Variants in RPS6KA2 observed in about 807,000 individuals in gnomAD.
RPS6KA2 encodes ribosomal protein S6 kinase A2, also known as ribosomal protein S6 kinase alpha-2.
In RPS6KA2, 42 loss-of-function variants were observed where a neutral mutation model predicts 91.8. The ratio of observed to expected loss-of-function variants is 0.46; its 90% confidence interval spans 0.36 to 0.59. The LOEUF (loss-of-function observed/expected upper bound fraction) is 0.59, where lower values mean the gene tolerates loss of function less well. Ranked by LOEUF, RPS6KA2 falls within the 20% of genes least tolerant of loss-of-function variation. The probability of loss-of-function intolerance (pLI) is 0.00; values close to 1 mark genes in which losing one functional copy is unlikely to be tolerated. For synonymous variants in RPS6KA2, 414 were observed against 393.6 expected, an observed-to-expected ratio of 1.05 and a Z score of -0.61; for missense variants, 798 against 978.5, an observed-to-expected ratio of 0.82 and a Z score of 2.46.
chr6:166,861,537 G>C (rs1444947944), intron 1 of RPS6KA2, among the ~76,000 whole-genome samples: 1 of 152,184 alleles, frequency 6.6e-6, no homozygotes, highest in Non-Finnish European at 1.5e-5. Context: ...CACCAGCCCT[G>C]GGACGGGCAA....
Position 166,603,913 on chromosome 6 carries a change from C to T in RPS6KA2, c.99+23008G>A, listed in dbSNP as rs1405126529. 6.6e-6 allele frequency among the ~76,000 whole-genome samples: 1 copy of T among 152,188 alleles called. No individual in the cohort carries two copies. Among genetic ancestry groups the T allele is most frequent in the Non-Finnish European group, 1.5e-5 (1 of 68,034 alleles). Reference sequence around the variant, plus strand: ...AGGCAGAAACTGGATTGCCGCAAAGCTGACATGTTGGAAGGGGTGAGATGA... The same window carrying T: ...AGGCAGAAACTGGATTGCCGCAAAGTTGACATGTTGGAAGGGGTGAGATGA... On this transcript the variant is annotated intron_variant, in intron 1 of 20. Coordinates refer to ENST00000265678, the MANE Select transcript of RPS6KA2 (RefSeq NM_021135.6). The surrounding 1 kb of genome is among the most constrained non-coding windows in gnomAD (Gnocchi z 4.3).
At chr6:166,627,326 C>G (rs1194284410), upstream of RPS6KA2, 9 of 674,774 alleles carry the variant, frequency 1.3e-5, no homozygotes, top group Admixed American at 1.9e-4. Flanking sequence ...CCGCTCCGCG[C>G]CCCGGCACGC....
At chr6:166,789,425 C>T (rs1399076055) in intron 2 of RPS6KA2, among the ~76,000 whole-genome samples, 6 of 152,230 alleles carry the variant, frequency 3.9e-5, no homozygotes, top group Non-Finnish European at 4.4e-5. Flanking sequence ...CTGTAGGCTC[C>T]GCCTCTGGGG....
At chr6:166,578,108 A>G (rs992048080) in intron 1 of RPS6KA2, among the ~76,000 whole-genome samples, 1 of 152,190 alleles carries the variant, frequency 6.6e-6, no homozygotes, top group Non-Finnish European at 1.5e-5. Flanking sequence ...TGTAAGTCCA[A>G]TTAAACCTCT....
intron 2 of RPS6KA2, among the ~76,000 whole-genome samples, chr6:166,785,246 G>A (rs780981913): frequency 3.1e-4 from 47 of 152,188 alleles, no homozygotes; most frequent in Non-Finnish European, 5.9e-4. Flanking sequence ...CGGAAAGCAG[G>A]GGAGGGACTT....
At chr6:166,566,278 T>C (rs2128507824) in intron 1 of RPS6KA2, among the ~76,000 whole-genome samples, 1 of 152,320 alleles carries the variant, frequency 6.6e-6, no homozygotes, top group South Asian at 2.1e-4. Flanking sequence ...CTTGCCAGAA[T>C]ATGCCAGAAC....
At chr6:166,833,081 A>G (rs368039195) in intron 2 of RPS6KA2, among the ~76,000 whole-genome samples, 36 of 152,380 alleles carry the variant, frequency 2.4e-4, no homozygotes, top group African/African-American at 8.2e-4. Flanking sequence ...GTGTGCCCAC[A>G]GTTAGCCAAG....
intron 1 of RPS6KA2, among the ~76,000 whole-genome samples, chr6:166,582,220 G>T (rs12176553): frequency 6.6e-6 from 1 of 150,834 alleles, no homozygotes; most frequent in Admixed American, 6.6e-5. Flanking sequence ...GGCAGGTGGG[G>T]TGAGCAGGAG....
At chr6:166,497,587 G>A (rs2281044) in intron 8 of RPS6KA2, among the ~76,000 whole-genome samples, 62,751 of 152,142 alleles carry the variant, frequency 0.41, 13,250 homozygotes, top group East Asian at 0.59. Flanking sequence ...GGAGAGTGCT[G>A]CAGTGACCCA....
chr6:166,527,154 C>T (rs1562557441), intron 3 of RPS6KA2, among the ~76,000 whole-genome samples: 1 of 152,232 alleles, frequency 6.6e-6, no homozygotes, highest in Non-Finnish European at 1.5e-5. Context: ...CAGGGTGCAG[C>T]TTCCCGCTCC....
chr6:166,655,128 G>A (rs1787967538), intron 2 of RPS6KA2, among the ~76,000 whole-genome samples: 1 of 152,104 alleles, frequency 6.6e-6, no homozygotes, highest in African/African-American at 2.4e-5. Context: ...TCTCATTTTT[G>A]TTCATATATA....
chr6:166,655,585 A>G (rs549400794), intron 2 of RPS6KA2, among the ~76,000 whole-genome samples: 36 of 152,374 alleles, frequency 2.4e-4, no homozygotes, highest in African/African-American at 8.4e-4. Flanking sequence ...GGGTAACTGA[A>G]GACCAGGCTG....
chr6:166,553,371 A>C (rs556874443), intron 1 of RPS6KA2, among the ~76,000 whole-genome samples: 1 of 151,078 alleles, frequency 6.6e-6, no homozygotes, highest in Non-Finnish European at 1.5e-5. Flanking sequence ...CAGTCTGCCC[A>C]CCACGGACTC....
At chr6:166,801,251 T>A (rs1779357806) in intron 2 of RPS6KA2, among the ~76,000 whole-genome samples, 1 of 152,244 alleles carries the variant, frequency 6.6e-6, no homozygotes, top group Admixed American at 6.5e-5. Context: ...ATAAAGATAG[T>A]ATCCAGGGAG....
chr6:166,480,806 C>T (rs1218503227), intron 10 of RPS6KA2, among the ~76,000 whole-genome samples: 1 of 152,102 alleles, frequency 6.6e-6, no homozygotes, highest in African/African-American at 2.4e-5. Context: ...TACACCACCA[C>T]TCCTGGCCAA....
intron 2 of RPS6KA2, among the ~76,000 whole-genome samples, chr6:166,722,635 G>C (rs1790211242): frequency 6.6e-6 from 1 of 152,244 alleles, no homozygotes; most frequent in African/African-American, 2.4e-5. Flanking sequence ...GTAAAAAGAA[G>C]AGCCAGGACA....
intron 11 of RPS6KA2, among the ~76,000 whole-genome samples, chr6:166,468,561 T>C (rs16898962): frequency 0.13 from 20,393 of 151,812 alleles, 1,393 homozygotes; most frequent in Middle Eastern, 0.2. Flanking sequence ...CCGGACTCCA[T>C]GAGGACATAA....
intron 2 of RPS6KA2, among the ~76,000 whole-genome samples, chr6:166,778,787 A>T (rs143168486): frequency 6.6e-6 from 1 of 152,198 alleles, no homozygotes; most frequent in African/African-American, 2.4e-5. Flanking sequence ...AGATTAACCC[A>T]TTAACTCATG....
intron 1 of RPS6KA2, among the ~76,000 whole-genome samples, chr6:166,579,217 G>A (rs909638233): frequency 6.6e-6 from 1 of 152,110 alleles, no homozygotes; most frequent in East Asian, 1.9e-4. Context: ...TCTATTTTCT[G>A]CATTCAGCTT....
Sources: gnomAD v4.1 joint callset for allele counts (sites outside exome capture counted in the v4.1 genomes callset) on GRCh38, gnomAD v4.1.1 for gene constraint, Gnocchi (gnomAD v3.1) non-coding constraint, MANE v1.5 for transcripts, NCBI Gene and HGNC (gene_info 2026-07-23, HGNC 2026-07-21) for gene names.